PCSK5: variants seen among roughly 807,000 people sequenced by gnomAD.
PCSK5 encodes the protein proprotein convertase subtilisin/kexin type 5, also known as prohormone convertase 5.
A neutral mutation model predicts 233.2 loss-of-function variants in PCSK5; 129 were observed. The observed-to-expected ratio is 0.55, with a 90% CI of 0.48 to 0.64. PCSK5 has a LOEUF of 0.64. Among genes scored for constraint, PCSK5 ranks in the 30% least tolerant of loss-of-function variants. The pLI, the probability that PCSK5 is intolerant of heterozygous loss-of-function variation, is 0.00. For synonymous variants in PCSK5, 825 were observed against 879.2 expected, an observed-to-expected ratio of 0.94 and a Z score of 1.09; for missense variants, 2,076 against 2,430.1, an observed-to-expected ratio of 0.85 and a Z score of 3.06.
At chr9:76,101,624 G>A (rs1387582362) in intron 8 of PCSK5, among the ~76,000 whole-genome samples, 3 of 152,078 alleles carry the variant, frequency 2.0e-5, no homozygotes, top group Admixed American at 1.3e-4. Context: ...TGGGACATAG[G>A]GTTTCTCAGA....
At chr9:76,190,570 A>G (rs1824324290) in intron 20 of PCSK5, among the ~76,000 whole-genome samples, 1 of 134,186 alleles carries the variant, frequency 7.5e-6, no homozygotes, top group South Asian at 2.7e-4. Flanking sequence ...TAATAGCAGC[A>G]TAAAATTCAA....
chr9:76,258,789 A>C (rs111903258), intron 24 of PCSK5, among the ~76,000 whole-genome samples: 190 of 152,326 alleles, frequency 1.2e-3, no homozygotes, highest in African/African-American at 4.2e-3. Flanking sequence ...GATTTTAAAG[A>C]TAAATTATGT....
intron 5 of PCSK5, among the ~76,000 whole-genome samples, chr9:76,040,791 G>A (rs991816267): frequency 6.6e-6 from 1 of 152,134 alleles, no homozygotes; most frequent in East Asian, 1.9e-4. Context: ...TAATTTATGA[G>A]AATTTAGTGT....
chr9:75,949,542 A>T (rs1824744799), intron 2 of PCSK5, among the ~76,000 whole-genome samples: 2 of 151,716 alleles, frequency 1.3e-5, no homozygotes, highest in African/African-American at 4.8e-5. Flanking sequence ...TTATTTATTT[A>T]TTTTTTGAGA....
chr9:75,968,315 T>A (rs1825681196), intron 2 of PCSK5, among the ~76,000 whole-genome samples: 1 of 152,240 alleles, frequency 6.6e-6, no homozygotes, highest in African/African-American at 2.4e-5. Context: ...TGACTGCCAG[T>A]CTAAGTATAT....
intron 5 of PCSK5, among the ~76,000 whole-genome samples, chr9:76,066,694 A>C (rs559454300): frequency 6.6e-6 from 1 of 152,356 alleles, no homozygotes; most frequent in East Asian, 1.9e-4. Flanking sequence ...AAATATACAT[A>C]ATATTACTAA....
intron 9 of PCSK5, among the ~76,000 whole-genome samples, chr9:76,129,287 G>A (rs1346068069): frequency 1.3e-5 from 2 of 152,112 alleles, no homozygotes; most frequent in Admixed American, 1.3e-4. Context: ...GATTGAAGGA[G>A]ACTAGTTTCA....
chr9:76,291,447 T>C (rs1263923887), intron 24 of PCSK5, among the ~76,000 whole-genome samples: 2 of 152,210 alleles, frequency 1.3e-5, no homozygotes, highest in African/African-American at 4.8e-5. Flanking sequence ...GACTGGAAGG[T>C]AGGTTAGATC....
rs967663737 is a variant in PCSK5 at position 76,360,668 on chromosome 9, G to A, written c.*1746G>A. 1 of 152,084 alleles carries A rather than the reference G, an allele frequency of 6.6e-6. No individual in the cohort carries two copies. Among genetic ancestry groups the A allele is most frequent in the African/African-American group, 2.4e-5 (1 of 41,418 alleles). The allele number at this position is 152,084 out of a possible 1,614,324, so 9.4% of individuals were successfully genotyped here. A position where few individuals can be genotyped will look rare whatever the true frequency, so the allele number is the denominator to read the frequency against. On this transcript the variant is annotated 3_prime_UTR_variant, in exon 38 of 38. Coordinates refer to ENST00000674117, the MANE Select transcript of PCSK5 (RefSeq NM_001372043.1). ...AAACAGGGTTGACAAACAGTCTCTG[G>A]AAAGAGCCAGCTAGTAAGTACATTA...
chr9:76,181,661 G>A (rs1823878491), intron 16 of PCSK5, 70 bp downstream of exon 16: 7 of 998,774 alleles, frequency 7.0e-6, no homozygotes, highest in Non-Finnish European at 1.1e-5. Flanking sequence ...ACCTCAGGAG[G>A]GATAGCCTCT....
intron 20 of PCSK5, among the ~76,000 whole-genome samples, chr9:76,191,208 AAAAC>A (rs61227673): frequency 4.0e-5 from 6 of 151,834 alleles, no homozygotes; most frequent in African/African-American, 4.8e-5. Context: ...ATAAAAATAG[AAAAC>A]AAACAAAAAA....
chr9:76,244,787 G>C (rs12005140), intron 24 of PCSK5, among the ~76,000 whole-genome samples: 1 of 152,092 alleles, frequency 6.6e-6, no homozygotes, highest in Non-Finnish European at 1.5e-5. Context: ...CTGGAAGAAA[G>C]TGTTGAATTA....
intron 3 of PCSK5, among the ~76,000 whole-genome samples, chr9:76,022,580 A>G (rs1828243536): frequency 6.6e-6 from 1 of 152,192 alleles, no homozygotes; most frequent in African/African-American, 2.4e-5. Flanking sequence ...ACAACATCAC[A>G]CATCACACAG....
Position 75,891,353 on chromosome 9 carries a change from G to T in PCSK5, c.172G>T (p.Gly58Ter). ...PEANRIASKYGFINIGQIGAL... is the reference protein window; with the variant it reads ...PEANRIASKY ...GGCCAACCGTATCGCCAGCAAGTAC[G>T]GATTCATCAACATAGGACAGGTAAC... The change falls in exon 1 of 38, where the codon GGA (glycine) becomes TGA (stop). Residue 58 changes from glycine to a stop codon, truncating the protein, a stop_gained. Coordinates refer to ENST00000674117, the MANE Select transcript of PCSK5 (RefSeq NM_001372043.1). LOFTEE classifies it high-confidence loss of function. The T allele has an allele frequency of 6.4e-7, 1 of 1,564,394 alleles. No homozygotes were observed. Among genetic ancestry groups the T allele is most frequent in the Non-Finnish European group, 8.6e-7 (1 of 1,158,558 alleles).
At chr9:75,922,473 A>G (rs374577961) in intron 1 of PCSK5, among the ~76,000 whole-genome samples, 2 of 152,138 alleles carry the variant, frequency 1.3e-5, no homozygotes, top group African/African-American at 4.8e-5. Flanking sequence ...TTACATGAGA[A>G]AAAAATGGAG....
intron 5 of PCSK5, among the ~76,000 whole-genome samples, chr9:76,048,156 A>G (rs1042679505): frequency 3.3e-5 from 5 of 152,176 alleles, no homozygotes; most frequent in African/African-American, 1.2e-4. Flanking sequence ...TTTTCATTGT[A>G]TAAAACCCTG....
At chr9:76,132,064 C>A (rs150332357) in intron 9 of PCSK5, among the ~76,000 whole-genome samples, 1 of 152,116 alleles carries the variant, frequency 6.6e-6, no homozygotes, top group Non-Finnish European at 1.5e-5. Flanking sequence ...TTATTTTTGT[C>A]ATTCACTCTA....
intron 1 of PCSK5, among the ~76,000 whole-genome samples, chr9:75,902,244 GA>G (rs1158246870): frequency 7.3e-5 from 6 of 82,436 alleles, no homozygotes; most frequent in South Asian, 3.7e-4. Flanking sequence ...AAAAAAAAAA[GA>G]AAAGGACAAA....
At chr9:76,341,812 A>G (rs143313447) in intron 35 of PCSK5, among the ~76,000 whole-genome samples, 40 of 152,382 alleles carry the variant, frequency 2.6e-4, no homozygotes, top group Non-Finnish European at 5.0e-4. Flanking sequence ...TATTGATGAC[A>G]GCATAGATCC....
Sources: allele counts gnomAD v4.1 joint callset (sites outside exome capture counted in the v4.1 genomes callset), GRCh38; gene constraint gnomAD v4.1.1; transcripts MANE v1.5; gene names NCBI Gene and HGNC (gene_info 2026-07-23, HGNC 2026-07-21).